The following GRIN2A variants were observed in gnomAD, a reference collection of about 807,000 sequenced individuals.
GRIN2A encodes the protein glutamate ionotropic receptor NMDA type subunit 2A.
GRIN2A carries 22 observed loss-of-function variants against 113.4 expected under a neutral mutation model. The observed-to-expected ratio is 0.19, with a 90% CI of 0.14 to 0.28. The LOEUF (loss-of-function observed/expected upper bound fraction) is 0.28, where lower values mean the gene tolerates loss of function less well. Ranked by LOEUF, GRIN2A falls within the 10% of genes least tolerant of loss-of-function variation. The probability of loss-of-function intolerance (pLI) is 1.00; values close to 1 mark genes in which losing one functional copy is unlikely to be tolerated. For missense variants in GRIN2A, 1,502 were observed against 1,887.0 expected (o/e 0.80, Z 3.78); for synonymous variants, 827 against 738.4 (o/e 1.12, Z -1.94).
chr16:10,094,454 GTT>G (rs57308394), intron 2 of GRIN2A, among the ~76,000 whole-genome samples: 4,916 of 147,018 alleles, frequency 0.033, 118 homozygotes, highest in African/African-American at 0.066. Context: ...CAAGAAAACA[GTT>G]TTTTTTTTTT....
At chr16:9,901,473 A>T (rs1020053571) in intron 3 of GRIN2A, among the ~76,000 whole-genome samples, 33 of 152,082 alleles carry the variant, frequency 2.2e-4, no homozygotes, top group Admixed American at 5.9e-4. Context: ...TTATATATAT[A>T]TTTTTGAGAC....
intron 2 of GRIN2A, among the ~76,000 whole-genome samples, chr16:10,022,285 AC>A (rs2046739267): frequency 6.6e-6 from 1 of 152,202 alleles, no homozygotes; most frequent in African/African-American, 2.4e-5. Context: ...GCACAGAGTC[AC>A]ACACATGCAT....
chr16:10,076,727 A>C (rs772287770), intron 2 of GRIN2A, among the ~76,000 whole-genome samples: 4 of 152,156 alleles, frequency 2.6e-5, no homozygotes, highest in African/African-American at 7.2e-5. Flanking sequence ...GTAAATATGG[A>C]AGAGTCGAGA....
rs180997094 is a variant in GRIN2A at position 10,168,900 on chromosome 16, G to C, written c.414+11098C>G. On this transcript the variant is annotated intron_variant, in intron 2 of 12. Transcript: ENST00000330684. ...GCATCACTTGAACCCAGGCGGCAGA[G>C]GTTGCAGTAAACCAAGATCGTGCCA... 4.0e-3 allele frequency among the ~76,000 whole-genome samples: 612 copies of C among 151,816 alleles called. 4 individuals carry two copies. Among genetic ancestry groups the C allele is most frequent in the African/African-American group, 0.014 (586 of 41,404 alleles).
chr16:9,978,921 C>A (rs2045829621), intron 2 of GRIN2A, among the ~76,000 whole-genome samples: 1 of 152,106 alleles, frequency 6.6e-6, no homozygotes, highest in South Asian at 2.1e-4. Flanking sequence ...TGCTATGTAC[C>A]CACAGACACT....
intron 2 of GRIN2A, among the ~76,000 whole-genome samples, chr16:10,147,197 C>G (rs2049458093): frequency 6.6e-6 from 1 of 152,090 alleles, no homozygotes; most frequent in Non-Finnish European, 1.5e-5. Context: ...TAGTCCCACA[C>G]TCTAGGAGCT....
At chr16:9,853,423 T>C (rs1016673230) in intron 4 of GRIN2A, among the ~76,000 whole-genome samples, 1 of 152,152 alleles carries the variant, frequency 6.6e-6, no homozygotes, top group African/African-American at 2.4e-5. Flanking sequence ...GAGAGACCCA[T>C]TGCCTTTTCC....
At chr16:10,049,440 C>T (rs1048112458) in intron 2 of GRIN2A, among the ~76,000 whole-genome samples, 12 of 151,612 alleles carry the variant, frequency 7.9e-5, no homozygotes, top group South Asian at 2.1e-4. Context: ...TGCAGTGGTG[C>T]GATCTCGGCT....
At chr16:9,776,728 A>AC (rs201067905) in intron 11 of GRIN2A, among the ~76,000 whole-genome samples, 175 of 152,076 alleles carry the variant, frequency 1.2e-3, no homozygotes, top group African/African-American at 4.1e-3. Flanking sequence ...CCGAGAGGGT[A>AC]ACTGACCCCA....
chr16:10,028,580 C>T (rs966944940), intron 2 of GRIN2A, among the ~76,000 whole-genome samples: 1 of 152,160 alleles, frequency 6.6e-6, no homozygotes, highest in Non-Finnish European at 1.5e-5. Flanking sequence ...ATGGCAGAGC[C>T]ACAAGATAGT....
At chr16:10,114,242 C>CCA (rs1181855405) in intron 2 of GRIN2A, among the ~76,000 whole-genome samples, 1 of 152,116 alleles carries the variant, frequency 6.6e-6, no homozygotes, top group Non-Finnish European at 1.5e-5. Flanking sequence ...CTTCATAAAA[C>CCA]CACACAGTGA....
intron 10 of GRIN2A, among the ~76,000 whole-genome samples, chr16:9,804,401 C>T (rs1156934146): frequency 6.6e-6 from 1 of 151,978 alleles, no homozygotes; most frequent in Non-Finnish European, 1.5e-5. Flanking sequence ...GAACACACAG[C>T]TAAGGGAACC....
At chr16:9,866,327 G>A (rs949955337) in intron 4 of GRIN2A, among the ~76,000 whole-genome samples, 1 of 152,198 alleles carries the variant, frequency 6.6e-6, no homozygotes, top group Non-Finnish European at 1.5e-5. Flanking sequence ...AAAAGTCAGA[G>A]TGGAAAGAAG....
At chr16:10,092,786 C>G (rs1392232302) in intron 2 of GRIN2A, among the ~76,000 whole-genome samples, 2 of 151,982 alleles carry the variant, frequency 1.3e-5, no homozygotes, top group Non-Finnish European at 2.9e-5. Flanking sequence ...CTTAAGCCCT[C>G]CATCTCATGT....
chr16:9,765,165 TGACAC>T (rs2141139237), intron 12 of GRIN2A, among the ~76,000 whole-genome samples: 1 of 152,352 alleles, frequency 6.6e-6, no homozygotes, highest in South Asian at 2.1e-4. Context: ...CAAGATTAGC[TGACAC>T]CTTTGCAAAG....
chr16:9,810,874 A>G (rs974498735), intron 10 of GRIN2A, among the ~76,000 whole-genome samples: 2 of 152,088 alleles, frequency 1.3e-5, no homozygotes. Flanking sequence ...TCTCTATGGG[A>G]GGAAGGAGGT....
chr16:10,126,618 G>GT (rs1349563993), intron 2 of GRIN2A, among the ~76,000 whole-genome samples: 2 of 151,810 alleles, frequency 1.3e-5, no homozygotes, highest in Non-Finnish European at 2.9e-5. Context: ...TTCTTAATTT[G>GT]TAAGTCATCT....
chr16:10,182,377 G>A lies in GRIN2A; in HGVS notation c.-519C>T, dbSNP rs1354890550. ...TACCACCTCCCCAGCGCCGGCTGCT[G>A]GGAGTTGTGCGACCGGGAGCTGCTG... On this transcript the variant is annotated 5_prime_UTR_variant, in exon 1 of 13. Coordinates refer to ENST00000330684, the MANE Select transcript of GRIN2A (RefSeq NM_001134407.3). The A allele has an allele frequency of 1.3e-5, 2 of 152,240 alleles. No individual in the cohort carries two copies. The highest frequency in any genetic ancestry group is 2.4e-5 in the African/African-American group (1 of 41,466). The allele number at this position is 152,240 out of a possible 1,614,324, so 9.4% of individuals were successfully genotyped here.
chr16:9,763,466 C>G lies in GRIN2A; in HGVS notation c.4078G>C (p.Asp1360His), dbSNP rs2141126843. Reference protein sequence around the residue: ...DSKRSKSLLPDHTSDNPFLHS... With the variant: ...DSKRSKSLLPHHTSDNPFLHS... Reference sequence around the variant, plus strand: ...AGGAAAGGGTTATCGGAGGTGTGGTCTGGCAAGAGAGACTTGCTCCTCTTG... The same window carrying G: ...AGGAAAGGGTTATCGGAGGTGTGGTGTGGCAAGAGAGACTTGCTCCTCTTG... The change falls in exon 13 of 13, where the codon GAC (aspartate) becomes CAC (histidine). Residue 1360 changes from aspartate (D) to histidine (H), a missense_variant. This residue lies in a region of GRIN2A where 832 missense variants were observed against 789.7 expected (regional missense o/e 1.05). Transcript: ENST00000330684. The G allele has an allele frequency of 6.2e-7, 1 of 1,614,028 alleles. No homozygotes were observed. Among genetic ancestry groups the G allele is most frequent in the East Asian group, 2.2e-5 (1 of 44,860 alleles).
Sources: allele counts gnomAD v4.1 joint callset (sites outside exome capture counted in the v4.1 genomes callset), GRCh38; gene constraint gnomAD v4.1.1; regional missense constraint gnomAD v4.1.1; transcripts MANE v1.5; gene names NCBI Gene and HGNC (gene_info 2026-07-23, HGNC 2026-07-21).